Variants in HFM1 observed in about 807,000 individuals in gnomAD.
The protein encoded by HFM1 is helicase for meiosis 1.
In HFM1, 169 loss-of-function variants were observed where a neutral mutation model predicts 192.1. The ratio of observed to expected loss-of-function variants is 0.88; its 90% CI spans 0.78 to 1.00. The LOEUF is 1.00. Ranked by LOEUF, HFM1 falls within the 50% of genes least tolerant of loss-of-function variation. The pLI is 0.00. For synonymous variants in HFM1, 525 were observed against 537.8 expected (o/e 0.98, Z 0.33); for missense variants, 1,661 against 1,668.0 (o/e 1.00, Z 0.07).
At chr1:91,328,896 T>A in intron 20 of HFM1, 1 of 1,610,940 alleles carries the variant, frequency 6.2e-7, no homozygotes, top group Non-Finnish European at 8.5e-7. Context: ...GCTGGCAAAG[T>A]CTATCCTGTG....
intron 30 of HFM1, among the ~76,000 whole-genome samples, chr1:91,287,983 A>C (rs1195164680): frequency 6.6e-6 from 1 of 151,908 alleles, no homozygotes; most frequent in South Asian, 2.1e-4. Flanking sequence ...AAAAGAAACG[A>C]GCAAAGCCTC....
At position 91,286,790 on chromosome 1, in the gene HFM1, C is replaced by T. The variant is rs577195076; in HGVS notation, c.3392-9728G>A. On this transcript the variant is annotated intron_variant, in intron 30 of 38. Transcript: ENST00000370425. ...GGAGTGCCAGACAGTGGGCACAGGT[C>T]AGTGGGTGCAGTGCACCGTGCGCCA... Among the ~76,000 whole-genome samples, 28 of 152,296 alleles carry T rather than the reference C, an allele frequency of 1.8e-4. No homozygotes were observed. In the East Asian group the frequency reaches 4.6e-3, roughly 25 times the overall value.
intron 20 of HFM1, chr1:91,339,134 A>C: frequency 2.4e-6 from 1 of 421,978 alleles, no homozygotes; most frequent in Non-Finnish European, 4.7e-6. Context: ...CAGCAACTTC[A>C]AATATTAAAG....
chr1:91,273,711 C>T lies in HFM1; in HGVS notation c.3772+1G>A. 11 of 1,495,232 alleles carry T rather than the reference C, an allele frequency of 7.4e-6. No homozygotes were observed. Among genetic ancestry groups the T allele is most frequent in the Non-Finnish European group, 1.0e-5 (11 of 1,075,004 alleles). The allele number at this position is 1,495,232 out of a possible 1,614,324, so 92.6% of individuals were successfully genotyped here. ...TCAAGTAAGTATCAATGGTAATTTACCTTTGTCTTGATATTCAGATGGTTC... is the reference window on the plus strand; with the variant it reads ...TCAAGTAAGTATCAATGGTAATTTATCTTTGTCTTGATATTCAGATGGTTC... On this transcript the variant is annotated splice_donor_variant, in intron 34 of 38. Transcript: ENST00000370425. LOFTEE classifies it high-confidence loss of function.
At position 91,261,134 on chromosome 1, in the gene HFM1, G is replaced by GC. The variant is rs1237310922; in HGVS notation, c.*155dup. The GC allele has an allele frequency of 2.5e-6, 1 of 392,304 alleles. No individual in the cohort carries two copies. The highest frequency in any genetic ancestry group is 2.1e-5 in the African/African-American group (1 of 47,860). 24.3% of individuals were successfully genotyped at this position (392,304 alleles called of 1,614,324 possible). A position where few individuals can be genotyped will look rare whatever the true frequency, so the allele number is the denominator to read the frequency against. On this transcript the variant is annotated 3_prime_UTR_variant, in exon 39 of 39. Coordinates refer to ENST00000370425, the MANE Select transcript of HFM1 (RefSeq NM_001017975.6). ...TACAATATAATGGGAAAATAAATCG[G>GC]CCCATACATTTTGTTGCAAAAAGTG...
chr1:91,351,415 G>A, intron 17 of HFM1, 134 bp downstream of exon 17: 1 of 542,658 alleles, frequency 1.8e-6, no homozygotes, highest in South Asian at 2.4e-5. Context: ...AAACTTTCTA[G>A]TTAAATAGTT....
intron 30 of HFM1, among the ~76,000 whole-genome samples, chr1:91,301,446 A>G (rs1648765146): frequency 1.2e-5 from 1 of 80,436 alleles, no homozygotes; most frequent in Non-Finnish European, 2.4e-5. Context: ...TAAAGTTCAC[A>G]TGGAACCGAA....
At chr1:91,289,834 T>A (rs1668517247) in intron 30 of HFM1, among the ~76,000 whole-genome samples, 2 of 151,572 alleles carry the variant, frequency 1.3e-5, no homozygotes, top group Non-Finnish European at 2.9e-5. Context: ...CAGCTCAGCA[T>A]CAGAGGGAGA....
Position 91,262,322 on chromosome 1 carries a change from T to C in HFM1, c.4157A>G (p.Glu1386Gly). 6.5e-7 allele frequency: 1 copy of C among 1,547,420 alleles called. No homozygotes were observed. Among genetic ancestry groups the C allele is most frequent in the Non-Finnish European group, 8.8e-7 (1 of 1,141,298 alleles). ...EIEKQCFTFS[E>G]KNPNSSNYKK... ...ATAATTTGAAGAATTTGGGTTTTTT[T>C]CAGAGAAAGTAAAGCATTGCTTCTC... is the stretch of plus-strand genomic sequence containing the variant. Residue 1386 changes from glutamate to glycine, a missense_variant, in exon 38 of 39, where the codon GAA (glutamate) becomes GGA (glycine). Physicochemically the swap from Glu to Gly is moderately conservative, Grantham distance 98. Coordinates refer to ENST00000370425, the MANE Select transcript of HFM1 (RefSeq NM_001017975.6).
chr1:91,303,955 T>C (rs1428746601), intron 30 of HFM1, among the ~76,000 whole-genome samples: 1 of 152,010 alleles, frequency 6.6e-6, no homozygotes, highest in African/African-American at 2.4e-5. Context: ...AAGCAATTCT[T>C]CCACCTCACC....
chr1:91,302,861 C>T (rs967372458), intron 30 of HFM1, among the ~76,000 whole-genome samples: 8 of 151,866 alleles, frequency 5.3e-5, no homozygotes, highest in African/African-American at 1.9e-4. Flanking sequence ...TGCAGCACAC[C>T]AACATGGCAC....
At chr1:91,400,627 A>C (rs1664204981) in intron 2 of HFM1, among the ~76,000 whole-genome samples, 1 of 152,084 alleles carries the variant, frequency 6.6e-6, no homozygotes, top group Non-Finnish European at 1.5e-5. Flanking sequence ...GATTAGAGGC[A>C]TGCGCCACCA....
At chr1:91,327,163 A>T (rs1653041605) in intron 20 of HFM1, among the ~76,000 whole-genome samples, 1 of 152,338 alleles carries the variant, frequency 6.6e-6, no homozygotes, top group Admixed American at 6.5e-5. Context: ...TGGCAGGAGT[A>T]AGTTCCTACT....
chr1:91,389,231 G>A (rs1258339401), intron 4 of HFM1, among the ~76,000 whole-genome samples: 1 of 147,884 alleles, frequency 6.8e-6, no homozygotes, highest in African/African-American at 2.5e-5. Flanking sequence ...GTGTGATCTC[G>A]GCTCACTGCA....
At chr1:91,382,726 T>A (rs772365652) in intron 6 of HFM1, among the ~76,000 whole-genome samples, 4 of 152,226 alleles carry the variant, frequency 2.6e-5, no homozygotes, top group Non-Finnish European at 5.9e-5. Flanking sequence ...GATAGTTCCA[T>A]ATCATTCACA....
chr1:91,380,238 TA>T lies in HFM1; in HGVS notation c.874-3del. Reference sequence around the variant, plus strand: ...AAAATTCCTATCTGTGTAAAGAAGCTAAAAAATAAAAAGTAATCAATCATGT... The same window carrying T: ...AAAATTCCTATCTGTGTAAAGAAGCTAAAAATAAAAAGTAATCAATCATGT... On this transcript the variant is annotated splice_polypyrimidine_tract_variant and splice_region_variant and intron_variant, in intron 7 of 38. Transcript: ENST00000370425. 1 of 1,508,718 alleles carries T rather than the reference TA, an allele frequency of 6.6e-7. No homozygotes were observed. The highest frequency in any genetic ancestry group is 8.9e-7 in the Non-Finnish European group (1 of 1,123,364). 93.5% of individuals were successfully genotyped at this position (1,508,718 alleles called of 1,614,324 possible).
chr1:91,377,907 C>T (rs1343383862), intron 11 of HFM1, 118 bp downstream of exon 11: 2 of 906,628 alleles, frequency 2.2e-6, no homozygotes, highest in East Asian at 5.0e-5. Flanking sequence ...CAACTTTCTA[C>T]AACATACTTT....
At chr1:91,352,976 C>T (rs1657153096) in intron 15 of HFM1, 75 bp downstream of exon 15, 1 of 945,062 alleles carries the variant, frequency 1.1e-6, no homozygotes, top group Middle Eastern at 2.6e-4. Context: ...AACACTTGCG[C>T]TTTTTCCTTT....
At chr1:91,312,005 T>A in intron 30 of HFM1, among the ~76,000 whole-genome samples, 1 of 152,140 alleles carries the variant, frequency 6.6e-6, no homozygotes, top group East Asian at 1.9e-4. Context: ...AGCTTCCACA[T>A]GGTATTGAGC....
Sources: gnomAD v4.1 joint callset for allele counts (sites outside exome capture counted in the v4.1 genomes callset) on GRCh38, gnomAD v4.1.1 for gene constraint, MANE v1.5 for transcripts, NCBI Gene and HGNC (gene_info 2026-07-23, HGNC 2026-07-21) for gene names.